Variants in FBXL17 observed in about 807,000 individuals in gnomAD.
FBXL17 encodes the protein F-box and leucine rich repeat protein 17.
Under a neutral mutation model 66.2 loss-of-function variants are expected in FBXL17, and 22 were observed. The observed-to-expected ratio is 0.33, with a 90% confidence interval of 0.24 to 0.47. The LOEUF (loss-of-function observed/expected upper bound fraction) is 0.47, where lower values mean the gene tolerates loss of function less well. FBXL17 is among the 20% of genes least tolerant of loss of function. The probability of loss-of-function intolerance (pLI) is 1.00; values close to 1 mark genes in which losing one functional copy is unlikely to be tolerated. For missense variants in FBXL17, 878 were observed against 948.2 expected (o/e 0.93, Z 0.97); for synonymous variants, 474 against 400.5 (o/e 1.18, Z -2.19).
At chr5:108,304,016 C>A (rs1758721526) in intron 4 of FBXL17, among the ~76,000 whole-genome samples, 1 of 151,916 alleles carries the variant, frequency 6.6e-6, no homozygotes, top group Admixed American at 6.6e-5. Flanking sequence ...CAGCTTTTTA[C>A]TGGGAGTGGG....
chr5:108,346,102 C>T (rs1394339973), intron 4 of FBXL17, among the ~76,000 whole-genome samples: 1 of 152,084 alleles, frequency 6.6e-6, no homozygotes, highest in Non-Finnish European at 1.5e-5. Flanking sequence ...ATCCTAATTA[C>T]TTAAAGCTAT....
At chr5:108,280,032 A>G (rs568850288) in intron 4 of FBXL17, among the ~76,000 whole-genome samples, 1 of 152,266 alleles carries the variant, frequency 6.6e-6, no homozygotes, top group African/African-American at 2.4e-5. Context: ...AGAGAGATCA[A>G]AAAGTTTAGA....
At chr5:108,019,238 G>T (rs1754496774) in intron 7 of FBXL17, among the ~76,000 whole-genome samples, 1 of 152,094 alleles carries the variant, frequency 6.6e-6, no homozygotes, top group Admixed American at 6.6e-5. Context: ...ATATGTGAAG[G>T]AACTTCCCTA....
intron 6 of FBXL17, among the ~76,000 whole-genome samples, chr5:108,040,862 G>T (rs1484348858): frequency 6.6e-6 from 1 of 152,124 alleles, no homozygotes. Flanking sequence ...CTTTGGCATT[G>T]TAAGAATGAT....
intron 4 of FBXL17, among the ~76,000 whole-genome samples, chr5:108,232,805 A>ATATATAT (rs70996987): frequency 5.7e-5 from 6 of 105,130 alleles, no homozygotes; most frequent in East Asian, 2.6e-4. Flanking sequence ...ATATATATAT[A>ATATATAT]ATATATACTA....
chr5:108,001,284 T>A (rs976874616), intron 7 of FBXL17, among the ~76,000 whole-genome samples: 2 of 152,164 alleles, frequency 1.3e-5, no homozygotes, highest in Non-Finnish European at 1.5e-5. Flanking sequence ...GAATGACATG[T>A]GTGAATGTTT....
chr5:108,126,841 A>G (rs1750735707), intron 6 of FBXL17, among the ~76,000 whole-genome samples: 4 of 151,830 alleles, frequency 2.6e-5, no homozygotes, highest in Admixed American at 2.6e-4. Flanking sequence ...TTTAGCAAAA[A>G]AGAAAAAGAA....
intron 6 of FBXL17, among the ~76,000 whole-genome samples, chr5:108,028,909 G>GA (rs1428375467): frequency 4.6e-5 from 7 of 151,628 alleles, no homozygotes; most frequent in Non-Finnish European, 7.4e-5. Flanking sequence ...TTAGTAATAC[G>GA]AAAAAAAAGT....
Position 107,919,933 on chromosome 5 carries a change from T to C in FBXL17, c.1823-38754A>G, listed in dbSNP as rs78164519. On this transcript the variant is annotated intron_variant, in intron 7 of 8. Transcript: ENST00000542267. The stretch of plus-strand genomic sequence containing the variant: ...GCTTTATTTCCAGCAACTAGGACAA[T>C]TCCTGGGGTATAGTACTCACTAAAT... Among the ~76,000 whole-genome samples, 1,319 of 152,288 alleles carry C rather than the reference T, an allele frequency of 8.7e-3. 9 individuals are homozygous for C. Among genetic ancestry groups the C allele is most frequent in the Non-Finnish European group, 0.015 (1,011 of 68,016 alleles).
chr5:108,277,240 C>T (rs1350593407), intron 4 of FBXL17, among the ~76,000 whole-genome samples: 1 of 152,096 alleles, frequency 6.6e-6, no homozygotes, highest in Non-Finnish European at 1.5e-5. Flanking sequence ...AATTTTTCAA[C>T]AAGCTAGCAG....
At chr5:108,075,480 G>GTTTGA (rs1245103007) in intron 6 of FBXL17, among the ~76,000 whole-genome samples, 1 of 152,096 alleles carries the variant, frequency 6.6e-6, no homozygotes, top group Non-Finnish European at 1.5e-5. Flanking sequence ...ATCCCGTGTT[G>GTTTGA]TTTGTTTTGT....
At chr5:107,953,530 C>T (rs1373328114) in intron 7 of FBXL17, among the ~76,000 whole-genome samples, 1 of 151,956 alleles carries the variant, frequency 6.6e-6, no homozygotes, top group South Asian at 2.1e-4. Context: ...GTGCTGCTCT[C>T]TATCATACAA....
At chr5:107,982,077 G>A (rs1034847736) in intron 7 of FBXL17, among the ~76,000 whole-genome samples, 4 of 152,130 alleles carry the variant, frequency 2.6e-5, no homozygotes, top group Non-Finnish European at 4.4e-5. Flanking sequence ...ATAGCTTAAT[G>A]AGGGCAATTT....
At chr5:108,371,045 C>A (rs1225341107) in intron 1 of FBXL17, among the ~76,000 whole-genome samples, 2 of 151,854 alleles carry the variant, frequency 1.3e-5, no homozygotes, top group Non-Finnish European at 2.9e-5. Flanking sequence ...TAAAAATCAA[C>A]AAAAATTCAG....
At chr5:108,324,294 AC>A (rs1759751594) in intron 4 of FBXL17, among the ~76,000 whole-genome samples, 1 of 152,082 alleles carries the variant, frequency 6.6e-6, no homozygotes, top group Non-Finnish European at 1.5e-5. Context: ...ATCCAAAGAT[AC>A]GTAAATGGCC....
At chr5:108,239,087 ACAC>A (rs1256383281) in intron 4 of FBXL17, among the ~76,000 whole-genome samples, 2 of 152,072 alleles carry the variant, frequency 1.3e-5, no homozygotes, top group Non-Finnish European at 2.9e-5. Context: ...ACAGTGTCAC[ACAC>A]TGTCACCCAG....
chr5:108,246,710 C>A (rs1756113901), intron 4 of FBXL17, among the ~76,000 whole-genome samples: 1 of 152,124 alleles, frequency 6.6e-6, no homozygotes, highest in African/African-American at 2.4e-5. Flanking sequence ...AAGGATAATG[C>A]AAGTAAAGAA....
intron 6 of FBXL17, among the ~76,000 whole-genome samples, chr5:108,034,231 T>C (rs1394928565): frequency 2.0e-5 from 3 of 152,200 alleles, no homozygotes; most frequent in Non-Finnish European, 4.4e-5. Flanking sequence ...CTCCACTTTA[T>C]CTCTAATGAG....
At chr5:108,378,235 A>AC (rs1749581499) in intron 1 of FBXL17, among the ~76,000 whole-genome samples, 1 of 151,608 alleles carries the variant, frequency 6.6e-6, no homozygotes, top group Non-Finnish European at 1.5e-5. Context: ...AAAAAAAAAA[A>AC]TGGGCAAGTA....
Sources: allele counts gnomAD v4.1 joint callset (sites outside exome capture counted in the v4.1 genomes callset), GRCh38; gene constraint gnomAD v4.1.1; transcripts MANE v1.5; gene names NCBI Gene and HGNC (gene_info 2026-07-23, HGNC 2026-07-21).